LINGO2: variants seen among roughly 807,000 people sequenced by gnomAD.
LINGO2 encodes leucine rich repeat and Ig domain containing 2.
LINGO2 carries 14 observed loss-of-function variants against 30.6 expected under a neutral mutation model. That is an observed-to-expected ratio of 0.46 (90% confidence interval 0.30 to 0.72). LINGO2 has a LOEUF of 0.72. Ranked by LOEUF, LINGO2 falls within the 30% of genes least tolerant of loss-of-function variation. The pLI is 0.07. For synonymous variants in LINGO2, 317 were observed against 288.5 expected, an observed-to-expected ratio of 1.10 and a Z score of -1.00; for missense variants, 729 against 751.7, an observed-to-expected ratio of 0.97 and a Z score of 0.35.
the LINGO2 span, among the ~76,000 whole-genome samples, chr9:29,084,660 T>C: frequency 6.6e-6 from 1 of 151,982 alleles, no homozygotes; most frequent in Non-Finnish European, 1.5e-5. Context: ...ATACTAAGCA[T>C]CCATCTCTCT....
intron 4 of LINGO2, among the ~76,000 whole-genome samples, chr9:28,198,695 A>G (rs754340966): frequency 1.3e-5 from 2 of 152,132 alleles, no homozygotes; most frequent in Non-Finnish European, 2.9e-5. Flanking sequence ...TTTGAAGAAA[A>G]CAGTCAAAAA....
intron 5 of LINGO2, among the ~76,000 whole-genome samples, chr9:27,972,797 T>C (rs1387811749): frequency 2.0e-5 from 3 of 152,164 alleles, no homozygotes; most frequent in Non-Finnish European, 4.4e-5. Context: ...ACAAAGGACA[T>C]TGATAGTTAC....
At chr9:27,949,249 C>T (rs1251991776) in exon 6 of LINGO2, 4 of 1,613,954 alleles carry the variant, frequency 2.5e-6, no homozygotes, top group South Asian at 1.1e-5. Flanking sequence ...CTGTCTTGAT[C>T]CTGGGCAAAG....
the LINGO2 span, among the ~76,000 whole-genome samples, chr9:29,061,582 G>A: frequency 3.3e-5 from 5 of 152,052 alleles, no homozygotes; most frequent in African/African-American, 1.2e-4. Context: ...ATTCAATGGG[G>A]AGAAGACATT....
the LINGO2 span, among the ~76,000 whole-genome samples, chr9:29,195,785 A>C: frequency 6.6e-6 from 1 of 152,138 alleles, no homozygotes; most frequent in Non-Finnish European, 1.5e-5. Context: ...TCAGATATGC[A>C]AGAGAATATC....
At chr9:28,209,567 A>G (rs1820521527) in intron 4 of LINGO2, among the ~76,000 whole-genome samples, 1 of 151,924 alleles carries the variant, frequency 6.6e-6, no homozygotes, top group Non-Finnish European at 1.5e-5. Flanking sequence ...CAAAAATAAA[A>G]TCACCTTTAG....
At chr9:28,932,104 C>CAAAAAAATAAAATAAAATAA in the LINGO2 span, among the ~76,000 whole-genome samples, 1 of 19,204 alleles carries the variant, frequency 5.2e-5, no homozygotes. Flanking sequence ...AAGACTCTGA[C>CAAAAAAATAAAATAAAATAA]AAAAAAATAA....
At chr9:28,670,770 T>C (rs530077723), upstream of LINGO2, among the ~76,000 whole-genome samples, 28 of 152,258 alleles carry the variant, frequency 1.8e-4, no homozygotes, top group South Asian at 5.2e-3. Flanking sequence ...ATGATGGTTA[T>C]CCATCTGATA....
At chr9:28,480,358 T>C (rs972379462) in intron 1 of LINGO2, among the ~76,000 whole-genome samples, 1 of 152,042 alleles carries the variant, frequency 6.6e-6, no homozygotes, top group African/African-American at 2.4e-5. Context: ...ATATAAAGCA[T>C]CTTAATTCTG....
At chr9:28,799,722 T>C in the LINGO2 span, among the ~76,000 whole-genome samples, 1 of 152,118 alleles carries the variant, frequency 6.6e-6, no homozygotes, top group Non-Finnish European at 1.5e-5. Context: ...ACAGAGTTGT[T>C]ATGAGAAGTA....
At chr9:29,195,471 T>C in the LINGO2 span, among the ~76,000 whole-genome samples, 1 of 152,028 alleles carries the variant, frequency 6.6e-6, no homozygotes, top group Non-Finnish European at 1.5e-5. Flanking sequence ...TTCCAAATTA[T>C]TTTCCAATTT....
chr9:28,606,610 C>G lies in LINGO2; in HGVS notation c.-365+63590G>C, dbSNP rs80254865. 8.5e-3 allele frequency among the ~76,000 whole-genome samples: 1,295 copies of G among 152,016 alleles called. 18 individuals are homozygous for G. Among genetic ancestry groups the G allele is most frequent in the African/African-American group, 0.029 (1,198 of 41,482 alleles). On this transcript the variant is annotated intron_variant, in intron 1 of 5. Coordinates refer to ENST00000379992, the Ensembl canonical transcript of LINGO2. ...GATACAATCAATTGACCTTAACTTT[C>G]CTAGATGTGGAAAATGAGGTAAAAT...
chr9:29,014,509 A>G, the LINGO2 span, among the ~76,000 whole-genome samples: 1 of 152,184 alleles, frequency 6.6e-6, no homozygotes, highest in Admixed American at 6.6e-5. Context: ...CTATGAAGTG[A>G]AAGTAAGTGA....
chr9:28,825,006 G>A, the LINGO2 span, among the ~76,000 whole-genome samples: 1 of 152,210 alleles, frequency 6.6e-6, no homozygotes, highest in Non-Finnish European at 1.5e-5. Flanking sequence ...TGTTAACAGT[G>A]AAGGCTGCAT....
chr9:28,601,278 G>T (rs1460886759), intron 1 of LINGO2, among the ~76,000 whole-genome samples: 1 of 152,118 alleles, frequency 6.6e-6, no homozygotes, highest in Non-Finnish European at 1.5e-5. Flanking sequence ...AAGAAACATT[G>T]CAAATGTGTA....
chr9:28,475,396 G>A (rs994048969), intron 2 of LINGO2, among the ~76,000 whole-genome samples: 7 of 152,200 alleles, frequency 4.6e-5, no homozygotes, highest in Non-Finnish European at 8.8e-5. Context: ...CTGTCTCAGG[G>A]AGCAGCATAT....
At chr9:29,077,109 G>A in the LINGO2 span, among the ~76,000 whole-genome samples, 70 of 151,822 alleles carry the variant, frequency 4.6e-4, no homozygotes, top group African/African-American at 1.6e-3. Context: ...ATTTTATATC[G>A]CTTTACTTAT....
the LINGO2 span, among the ~76,000 whole-genome samples, chr9:28,964,119 T>C: frequency 1.3e-5 from 2 of 151,988 alleles, no homozygotes; most frequent in South Asian, 2.1e-4. Context: ...CATATATATA[T>C]ATACACACAT....
At chr9:28,621,046 G>T (rs1312714859) in intron 1 of LINGO2, among the ~76,000 whole-genome samples, 1 of 151,994 alleles carries the variant, frequency 6.6e-6, no homozygotes, top group Admixed American at 6.6e-5. Context: ...GGATATATGT[G>T]TCAAAAACTT....
Sources: allele counts gnomAD v4.1 joint callset (sites outside exome capture counted in the v4.1 genomes callset), GRCh38; gene constraint gnomAD v4.1.1; transcripts MANE v1.5; gene names NCBI Gene and HGNC (gene_info 2026-07-23, HGNC 2026-07-21).